Variants in STPG2 observed in about 807,000 individuals in gnomAD.
STPG2 encodes the protein sperm-tail PG-rich repeat-containing protein 2.
STPG2 carries 56 observed loss-of-function variants against 54.2 expected under a neutral mutation model. That is an observed-to-expected ratio of 1.03 (90% CI 0.83 to 1.29). STPG2 has a LOEUF of 1.29. Ranked by LOEUF, STPG2 falls within the 50% of genes most tolerant of loss-of-function variation. The pLI, the probability that STPG2 is intolerant of heterozygous loss-of-function variation, is 0.00. For missense variants in STPG2, 596 were observed against 544.9 expected, an observed-to-expected ratio of 1.09 and a Z score of -0.93; for synonymous variants, 200 against 181.8, an observed-to-expected ratio of 1.10 and a Z score of -0.81.
chr4:98,123,021 T>A (rs529341716), intron 3 of STPG2, among the ~76,000 whole-genome samples: 1 of 152,328 alleles, frequency 6.6e-6, no homozygotes, highest in South Asian at 2.1e-4. Context: ...TTGTTTGTAT[T>A]TCTGTGGGGT....
chr4:97,964,040 T>C (rs1452486461), intron 7 of STPG2, among the ~76,000 whole-genome samples: 1 of 152,160 alleles, frequency 6.6e-6, no homozygotes, highest in Non-Finnish European at 1.5e-5. Flanking sequence ...GTTAATGATA[T>C]GTGAATAGGA....
chr4:97,665,653 C>A (rs545926982), intron 10 of STPG2, among the ~76,000 whole-genome samples: 2 of 152,168 alleles, frequency 1.3e-5, no homozygotes, highest in Non-Finnish European at 2.9e-5. Flanking sequence ...GGCTAGACCA[C>A]CTGGGACCCA....
At chr4:97,963,145 C>T (rs774201690) in intron 7 of STPG2, among the ~76,000 whole-genome samples, 6 of 149,636 alleles carry the variant, frequency 4.0e-5, no homozygotes, top group Non-Finnish European at 7.4e-5. Context: ...GGCAACAGAG[C>T]AACACTCCAT....
intron 8 of STPG2, among the ~76,000 whole-genome samples, chr4:97,854,455 CAATAT>C (rs1374171452): frequency 2.0e-5 from 3 of 148,038 alleles, no homozygotes; most frequent in Non-Finnish European, 4.5e-5. Context: ...TAAATAATAA[CAATAT>C]AATATAATGT....
chr4:97,815,705 G>T (rs1727887158), intron 9 of STPG2, among the ~76,000 whole-genome samples: 1 of 152,082 alleles, frequency 6.6e-6, no homozygotes, highest in Non-Finnish European at 1.5e-5. Flanking sequence ...GTGCATTTTT[G>T]GTTGTACACA....
At chr4:97,877,951 A>G (rs1045777572) in intron 8 of STPG2, among the ~76,000 whole-genome samples, 1 of 152,208 alleles carries the variant, frequency 6.6e-6, no homozygotes, top group Non-Finnish European at 1.5e-5. Flanking sequence ...ATAGAGGTAC[A>G]GGCATTGGGT....
intron 8 of STPG2, among the ~76,000 whole-genome samples, chr4:97,843,979 A>G (rs1215484417): frequency 6.6e-6 from 1 of 151,828 alleles, no homozygotes; most frequent in Non-Finnish European, 1.5e-5. Context: ...AACTGAATGA[A>G]ATTGGAAAAA....
At chr4:97,792,070 A>G (rs1727009253) in intron 9 of STPG2, among the ~76,000 whole-genome samples, 1 of 152,236 alleles carries the variant, frequency 6.6e-6, no homozygotes, top group African/African-American at 2.4e-5. Flanking sequence ...TGGAAGTGAT[A>G]ATGGAAGTCT....
At chr4:97,740,321 T>C (rs1044667483) in intron 9 of STPG2, among the ~76,000 whole-genome samples, 2 of 152,110 alleles carry the variant, frequency 1.3e-5, no homozygotes, top group African/African-American at 4.8e-5. Context: ...GGATGCCCCC[T>C]CTCACCACTC....
In STPG2 at chr4:97,638,089, A is replaced by C. The variant is rs1721621316; in HGVS notation, c.1320+74610T>G. Among the ~76,000 whole-genome samples, 8 of 152,328 alleles carry C rather than the reference A, an allele frequency of 5.3e-5. No homozygotes were observed. In the South Asian group the frequency reaches 1.7e-3, roughly 32 times the overall value. On this transcript the variant is annotated intron_variant, in intron 10 of 10. Transcript: ENST00000295268. ...GAAGCCATCACACTACCTGACTTCA[A>C]ACTATACTACAAGGCTACAGTAACC...
chr4:97,636,068 C>A (rs1471151002), intron 10 of STPG2, among the ~76,000 whole-genome samples: 1 of 151,848 alleles, frequency 6.6e-6, no homozygotes, highest in African/African-American at 2.4e-5. Context: ...ACACCTATTC[C>A]AAAATTGACC....
intron 10 of STPG2, among the ~76,000 whole-genome samples, chr4:97,591,718 T>G (rs1733151284): frequency 6.6e-6 from 1 of 152,172 alleles, no homozygotes; most frequent in African/African-American, 2.4e-5. Context: ...TGCATCAATA[T>G]CCAAATCATG....
intron 3 of STPG2, among the ~76,000 whole-genome samples, chr4:98,118,467 C>A (rs766358603): frequency 1.3e-5 from 2 of 151,946 alleles, no homozygotes; most frequent in Non-Finnish European, 2.9e-5. Flanking sequence ...GTGGAAGTAG[C>A]GAGTCAAATA....
chr4:97,447,924 C>A (rs182821045), intron 4 of STPG2, among the ~76,000 whole-genome samples: 2 of 152,260 alleles, frequency 1.3e-5, no homozygotes, highest in East Asian at 3.9e-4. Context: ...TTGCACCCTG[C>A]AGCTGGGAAA....
intron 10 of STPG2, among the ~76,000 whole-genome samples, chr4:97,561,923 G>C (rs1051930810): frequency 3.9e-5 from 6 of 152,120 alleles, no homozygotes; most frequent in Non-Finnish European, 7.3e-5. Flanking sequence ...TGGCTATGCG[G>C]GCTCTTTTTT....
At chr4:97,904,787 G>A (rs1731336257) in intron 8 of STPG2, among the ~76,000 whole-genome samples, 1 of 152,176 alleles carries the variant, frequency 6.6e-6, no homozygotes. Flanking sequence ...TGAAAACCAA[G>A]GCTTGAGAAC....
intron 9 of STPG2, among the ~76,000 whole-genome samples, chr4:97,836,835 T>C (rs1728649378): frequency 4.0e-5 from 6 of 149,552 alleles, no homozygotes. Context: ...TAATTAATAT[T>C]AACAATATTT....
At chr4:97,691,624 C>G (rs1723368627) in intron 10 of STPG2, among the ~76,000 whole-genome samples, 1 of 152,210 alleles carries the variant, frequency 6.6e-6, no homozygotes, top group Admixed American at 6.5e-5. Context: ...GACTTAATCC[C>G]TTGAAAGTTC....
chr4:97,867,118 G>T (rs1475302579), intron 8 of STPG2, among the ~76,000 whole-genome samples: 3 of 151,900 alleles, frequency 2.0e-5, no homozygotes, highest in East Asian at 1.9e-4. Context: ...GATCCATTTA[G>T]TACTGACACA....
Sources: allele counts gnomAD v4.1 joint callset (sites outside exome capture counted in the v4.1 genomes callset), GRCh38; gene constraint gnomAD v4.1.1; transcripts MANE v1.5; gene names NCBI Gene and HGNC (gene_info 2026-07-23, HGNC 2026-07-21).